Variants in DNER observed in about 807,000 individuals in gnomAD.
DNER encodes delta and Notch-like epidermal growth factor-related receptor.
In DNER, 33 loss-of-function variants were observed where a neutral mutation model predicts 78.2. The ratio of observed to expected loss-of-function variants is 0.42; its 90% confidence interval spans 0.32 to 0.56. The LOEUF is 0.56. Among genes scored for constraint, DNER ranks in the 20% least tolerant of loss-of-function variants. DNER has a pLI of 0.11. For synonymous variants in DNER, 417 were observed against 384.8 expected, an observed-to-expected ratio of 1.08 and a Z score of -0.98; for missense variants, 918 against 975.3, an observed-to-expected ratio of 0.94 and a Z score of 0.78.
chr2:229,525,148 C>A (rs978243596), intron 5 of DNER, among the ~76,000 whole-genome samples: 2 of 152,192 alleles, frequency 1.3e-5, no homozygotes, highest in Admixed American at 1.3e-4. Flanking sequence ...TGTGTCTCAA[C>A]GCCCATCTTT....
intron 9 of DNER, among the ~76,000 whole-genome samples, chr2:229,414,589 T>G (rs369234172): frequency 3.9e-5 from 6 of 152,294 alleles, no homozygotes; most frequent in African/African-American, 1.2e-4. Flanking sequence ...TTGTATGCCT[T>G]TCAGTCTTTC....
intron 4 of DNER, among the ~76,000 whole-genome samples, chr2:229,576,331 T>C (rs1018434120): frequency 8.7e-4 from 117 of 135,256 alleles, no homozygotes; most frequent in African/African-American, 1.7e-3. Context: ...TCTCTCTCTT[T>C]TTTTTTTTTT....
At chr2:229,658,564 T>G (rs1337347854) in intron 1 of DNER, among the ~76,000 whole-genome samples, 1 of 152,238 alleles carries the variant, frequency 6.6e-6, no homozygotes, top group Non-Finnish European at 1.5e-5. Flanking sequence ...ATTCATTCAT[T>G]CAGTAAGACT....
intron 8 of DNER, among the ~76,000 whole-genome samples, chr2:229,441,996 A>G (rs1284439283): frequency 6.6e-6 from 1 of 152,202 alleles, no homozygotes; most frequent in African/African-American, 2.4e-5. Flanking sequence ...ACAGATTATG[A>G]AGAGTAAAGC....
At chr2:229,481,390 A>G (rs1559363360) in intron 6 of DNER, among the ~76,000 whole-genome samples, 1 of 152,230 alleles carries the variant, frequency 6.6e-6, no homozygotes, top group African/African-American at 2.4e-5. Flanking sequence ...GGAGAGGCAG[A>G]GGACAAGGAG....
intron 8 of DNER, among the ~76,000 whole-genome samples, chr2:229,440,804 G>A (rs555130940): frequency 2.6e-4 from 40 of 152,196 alleles, no homozygotes; most frequent in Middle Eastern, 3.4e-3. Context: ...CTTGTTCCCC[G>A]CATCCAACTG....
chr2:229,525,373 T>C lies in DNER; in HGVS notation c.994-12437A>G, dbSNP rs543713783. Among the ~76,000 whole-genome samples the C allele has an allele frequency of 3.9e-5, 6 of 152,316 alleles. No individual in the cohort carries two copies. In the East Asian group the frequency reaches 1.2e-3, roughly 29 times the overall value. On this transcript the variant is annotated intron_variant, in intron 5 of 12. Coordinates refer to ENST00000341772, the MANE Select transcript of DNER (RefSeq NM_139072.4). ...AGTAGAACACTGCATAAAGCTGACA[T>C]AAGGAATCACTGTAGTCTTCCTAAT...
rs567209349 is a variant in DNER, at chr2:229,563,259, A to C, written c.848-16167T>G. On this transcript the variant is annotated intron_variant, in intron 4 of 12. Coordinates refer to ENST00000341772, the MANE Select transcript of DNER (RefSeq NM_139072.4). Reference sequence around the variant, plus strand: ...TCCTCACCCCATCACCATCATCATCAACATCATCACACCATCACCATCATC... The same window carrying C: ...TCCTCACCCCATCACCATCATCATCCACATCATCACACCATCACCATCATC... Among the ~76,000 whole-genome samples the C allele has an allele frequency of 6.4e-4, 89 of 138,040 alleles. 1 individual carries two copies. The highest frequency in any genetic ancestry group is 1.3e-3 in the Non-Finnish European group (83 of 64,254). The allele number at this position is 138,040 out of a possible 152,430, so 90.6% of individuals were successfully genotyped here.
intron 4 of DNER, among the ~76,000 whole-genome samples, chr2:229,557,577 C>T (rs943581666): frequency 2.2e-4 from 34 of 151,858 alleles, no homozygotes; most frequent in African/African-American, 7.7e-4. Context: ...CCCAATAAAG[C>T]CTGCTGTGAA....
At chr2:229,452,172 A>G (rs1402088699) in intron 7 of DNER, among the ~76,000 whole-genome samples, 2 of 152,228 alleles carry the variant, frequency 1.3e-5, no homozygotes, top group Non-Finnish European at 2.9e-5. Context: ...TGGAGAGGGA[A>G]TCAGAAGAGG....
intron 10 of DNER, among the ~76,000 whole-genome samples, chr2:229,391,844 A>C (rs1693022957): frequency 6.6e-6 from 1 of 152,150 alleles, no homozygotes; most frequent in African/African-American, 2.4e-5. Context: ...TGCCCAGCCA[A>C]ATTTTTTTTC....
At chr2:229,681,006 G>A (rs779870061) in intron 1 of DNER, among the ~76,000 whole-genome samples, 1 of 152,182 alleles carries the variant, frequency 6.6e-6, no homozygotes, top group Non-Finnish European at 1.5e-5. Context: ...TGCAAACAAC[G>A]TAAAACCACA....
chr2:229,611,648 C>T (rs1362963294), intron 1 of DNER, among the ~76,000 whole-genome samples: 1 of 152,128 alleles, frequency 6.6e-6, no homozygotes, highest in Non-Finnish European at 1.5e-5. Flanking sequence ...TCTGAAAGAT[C>T]CCCCAACCAC....
chr2:229,367,089 T>A lies in DNER; in HGVS notation c.1886A>T (p.Glu629Val). Residue 629 changes from glutamate to valine, a missense_variant, in exon 12 of 13, where the codon GAG (glutamate) becomes GTG (valine). Physicochemically the swap from Glu to Val is moderately radical, Grantham distance 121. Coordinates refer to ENST00000341772, the MANE Select transcript of DNER (RefSeq NM_139072.4). ...GTGCCGTGGCATGTTGGTGAGGCTC[T>A]CCGCCATGTGCCCGGACTTCCATTG... The part of the protein sequence containing the change: ...HLQWKSGHMA[E>V]SLTNMPRHSL... 6.2e-7 allele frequency: 1 copy of A among 1,614,126 alleles called. No homozygotes were observed. Among genetic ancestry groups the A allele is most frequent in the African/African-American group, 1.3e-5 (1 of 75,060 alleles).
Position 229,458,135 on chromosome 2 carries a change from CAAAAAAAAAA to C in DNER, c.1262-10605_1262-10596del, listed in dbSNP as rs61340733. On this transcript the variant is annotated intron_variant, in intron 7 of 12. Transcript: ENST00000341772. ...TGGGTCACAGAGCAAGACTCTATCT[CAAAAAAAAAA>C]AAAAAAAAAAAAAAAAGGAAAGTAA... 6.4e-3 allele frequency among the ~76,000 whole-genome samples: 114 copies of C among 17,720 alleles called. 1 individual carries two copies. In the East Asian group the frequency reaches 0.17, roughly 26 times the overall value. 11.6% of individuals were successfully genotyped at this position (17,720 alleles called of 152,430 possible).
At chr2:229,585,735 G>T in intron 4 of DNER, 123 bp downstream of exon 4, 1 of 949,680 alleles carries the variant, frequency 1.1e-6, no homozygotes, top group South Asian at 1.7e-5. Context: ...CAAAGTGAAA[G>T]AAATAGCATT....
chr2:229,577,579 G>A lies in DNER; in HGVS notation c.847+8279C>T, dbSNP rs374292039. Among the ~76,000 whole-genome samples the A allele has an allele frequency of 3.9e-5, 6 of 152,142 alleles. No homozygotes were observed. The East Asian group carries it at 7.7e-4, about 20-fold the overall frequency. Reference sequence around the variant, plus strand: ...GAGCCCGGGAGGCAGAGGCTGCAGTGAGCAGAGATCGTGCCATTGCACTCC... The same window carrying A: ...GAGCCCGGGAGGCAGAGGCTGCAGTAAGCAGAGATCGTGCCATTGCACTCC... On this transcript the variant is annotated intron_variant, in intron 4 of 12. Coordinates refer to ENST00000341772, the MANE Select transcript of DNER (RefSeq NM_139072.4).
At chr2:229,392,475 A>G (rs1423820058) in intron 10 of DNER, among the ~76,000 whole-genome samples, 2 of 151,714 alleles carry the variant, frequency 1.3e-5, no homozygotes, top group Non-Finnish European at 2.9e-5. Flanking sequence ...ATTTGTAGGA[A>G]AGACCACAAC....
intron 1 of DNER, among the ~76,000 whole-genome samples, chr2:229,627,966 A>G (rs1559187797): frequency 6.6e-6 from 1 of 152,156 alleles, no homozygotes; most frequent in South Asian, 2.1e-4. Context: ...CCACTTTCCA[A>G]TCAGGAGGTA....
Sources: gnomAD v4.1 joint callset for allele counts (sites outside exome capture counted in the v4.1 genomes callset) on GRCh38, gnomAD v4.1.1 for gene constraint, MANE v1.5 for transcripts, NCBI Gene and HGNC (gene_info 2026-07-23, HGNC 2026-07-21) for gene names.